Variants in SPDL1 observed in about 807,000 individuals in gnomAD.
SPDL1 encodes the protein protein Spindly.
A neutral mutation model predicts 79.5 loss-of-function variants in SPDL1; 85 were observed. The ratio of observed to expected loss-of-function variants is 1.07; its 90% CI spans 0.90 to 1.28. The LOEUF (loss-of-function observed/expected upper bound fraction) is 1.28. Ranked by LOEUF, SPDL1 falls within the 50% of genes most tolerant of loss-of-function variation. The pLI, the probability that SPDL1 is intolerant of heterozygous loss-of-function variation, is 0.00. For missense variants in SPDL1, 703 were observed against 697.8 expected (o/e 1.01, Z -0.08); for synonymous variants, 269 against 240.3 (o/e 1.12, Z -1.10).
chr5:169,595,513 AT>A, intron 7 of SPDL1: 1 of 152,292 alleles, frequency 6.6e-6, no homozygotes, highest in Non-Finnish European at 1.5e-5. Context: ...CCCTCTTAGA[AT>A]TGTCCTACAG....
chr5:169,585,263 C>T (rs1581278168), intron 1 of SPDL1, among the ~76,000 whole-genome samples: 1 of 151,730 alleles, frequency 6.6e-6, no homozygotes. Context: ...ATCTGTCTCT[C>T]TTGCACTTAT....
At position 169,601,227 on chromosome 5, in the gene SPDL1, T is replaced by G. The variant is rs898237869; in HGVS notation, c.1325-53T>G. On this transcript the variant is annotated intron_variant, in intron 10 of 11. Transcript: ENST00000265295. The stretch of plus-strand genomic sequence containing the variant: ...ACTAGTTCTGGCTTCTTGTGTTGAT[T>G]GTGTCTTTGTTTTCTTAGATTTTTT... 70 of 1,510,194 alleles carry G rather than the reference T, an allele frequency of 4.6e-5. No homozygotes were observed. The East Asian group carries it at 1.5e-3, about 32-fold the overall frequency. The allele number at this position is 1,510,194 out of a possible 1,614,324, so 93.5% of individuals were successfully genotyped here. A position where few individuals can be genotyped will look rare whatever the true frequency, so the allele number is the denominator to read the frequency against.
At chr5:169,587,495 G>A (rs1302806702) in intron 1 of SPDL1, 2 of 152,148 alleles carry the variant, frequency 1.3e-5, no homozygotes, top group Non-Finnish European at 2.9e-5. Flanking sequence ...TAGAATGAAA[G>A]CAACATCCTT....
chr5:169,583,967 AG>A (rs974222033), intron 1 of SPDL1, 78 bp downstream of exon 1: 1 of 152,376 alleles, frequency 6.6e-6, no homozygotes, highest in African/African-American at 2.4e-5. Context: ...AAAGAAAGCT[AG>A]GGGCCGGGGT....
At chr5:169,592,214 CTT>C (rs397884840) in intron 3 of SPDL1, among the ~76,000 whole-genome samples, 7 of 97,044 alleles carry the variant, frequency 7.2e-5, no homozygotes, top group Non-Finnish European at 7.6e-5. Context: ...TTTTTTTTTC[CTT>C]TTTTTTTTTT....
At chr5:169,596,922 T>C (rs1018948998) in intron 8 of SPDL1, among the ~76,000 whole-genome samples, 1 of 152,188 alleles carries the variant, frequency 6.6e-6, no homozygotes, top group Non-Finnish European at 1.5e-5. Context: ...TCACTTCTTC[T>C]ATATTTATTA....
In SPDL1 at chr5:169,594,581, G is replaced by A. The variant is rs376677593; in HGVS notation, c.791G>A (p.Arg264Gln). Residue 264 changes from arginine to glutamine, a missense_variant, in exon 7 of 12, where the codon CGA becomes CAA. Arg to Gln is a conservative substitution (Grantham distance 43). Coordinates refer to ENST00000265295, the MANE Select transcript of SPDL1 (RefSeq NM_017785.5). ...GTTAATATTTTGTAGGTGGAAGATC[G>A]AAGGGCAGCAATGGAACGTCAGCTC... ...GNSLFAEVEDRRAAMERQLIS... is the reference protein window; with the variant it reads ...GNSLFAEVEDQRAAMERQLIS... The A allele has an allele frequency of 1.3e-4, 209 of 1,613,836 alleles. 2 individuals carry two copies. In the African/African-American group the frequency reaches 2.6e-3, roughly 20 times the overall value.
intron 11 of SPDL1, among the ~76,000 whole-genome samples, 171 bp from the exon 12 acceptor site, chr5:169,603,889 T>A (rs185186806): frequency 6.6e-5 from 10 of 152,164 alleles, no homozygotes; most frequent in African/African-American, 1.9e-4. Context: ...CCTATTGATA[T>A]AAAAAGACTT....
At chr5:169,601,692 C>T (rs780064770) in intron 11 of SPDL1, 67 bp downstream of exon 11, 4 of 1,317,746 alleles carry the variant, frequency 3.0e-6, no homozygotes, top group Middle Eastern at 1.8e-4. Context: ...GCTGCATGAA[C>T]TGTGCTGTCT....
intron 8 of SPDL1, 52 bp from the exon 9 acceptor site, chr5:169,598,424 C>A: frequency 1.7e-6 from 2 of 1,165,760 alleles, no homozygotes; most frequent in Non-Finnish European, 2.6e-6. Flanking sequence ...TAAACATACA[C>A]TAACCTTATT....
At chr5:169,587,402 G>A (rs2113319933) in intron 1 of SPDL1, 1 of 152,284 alleles carries the variant, frequency 6.6e-6, no homozygotes, top group East Asian at 1.9e-4. Flanking sequence ...AGGAGGCTGG[G>A]ACCAAATAGT....
intron 11 of SPDL1, 69 bp from the exon 12 acceptor site, chr5:169,603,991 C>T (rs1398965237): frequency 2.6e-6 from 4 of 1,512,864 alleles, no homozygotes; most frequent in Non-Finnish European, 2.7e-6. Context: ...GCCCATTATA[C>T]TGGGGGTTTG....
chr5:169,593,514 T>G lies in SPDL1; in HGVS notation c.497T>G (p.Leu166Arg). Reference sequence around the variant, plus strand: ...AGCATGTCTTCAGAGATGCTGGCTCTTCAAATTGAGCTGACAGAAATGGAG... The same window carrying G: ...AGCATGTCTTCAGAGATGCTGGCTCGTCAAATTGAGCTGACAGAAATGGAG... ...QESMSSEMLALQIELTEMESM... is the reference protein window; with the variant it reads ...QESMSSEMLARQIELTEMESM... The change falls in exon 4 of 12, where the codon CTT (leucine) becomes CGT (arginine). Residue 166 changes from leucine to arginine, a missense_variant. Physicochemically the swap from Leu to Arg is moderately radical, Grantham distance 102 (BLOSUM62 -2). Transcript: ENST00000265295. 1 of 1,611,914 alleles carries G rather than the reference T, an allele frequency of 6.2e-7. No individual in the cohort carries two copies. Among genetic ancestry groups the G allele is most frequent in the Non-Finnish European group, 8.5e-7 (1 of 1,179,306 alleles).
intron 2 of SPDL1, among the ~76,000 whole-genome samples, chr5:169,589,884 G>A (rs1256818336): frequency 6.6e-6 from 1 of 151,978 alleles, no homozygotes; most frequent in Non-Finnish European, 1.5e-5. Flanking sequence ...TGTGTTTTTA[G>A]TAGAGATGGG....
Position 169,594,530 on chromosome 5 carries a change from C to A in SPDL1, c.780+38C>A, listed in dbSNP as rs369190774. The A allele has an allele frequency of 7.0e-5, 112 of 1,610,188 alleles. No homozygotes were observed. In the African/African-American group the frequency reaches 1.4e-3, roughly 20 times the overall value. On this transcript the variant is annotated intron_variant, in intron 6 of 11. Coordinates refer to ENST00000265295, the MANE Select transcript of SPDL1 (RefSeq NM_017785.5). ...ATCCTAACTACTAAATTGGTATTTT[C>A]ATTTACTACCAGAACAATTAAGCAT...
rs1458187695 is a variant in SPDL1, at chr5:169,594,312, ACAT to A, written c.681+22_681+24del. Reference sequence around the variant, plus strand: ...CCCTAGAGGTACTATGATTACAGTAACATCATGTTTTCCAATTTATCATAACTT... The same window carrying A: ...CCCTAGAGGTACTATGATTACAGTAACATGTTTTCCAATTTATCATAACTT... On this transcript the variant is annotated intron_variant, in intron 5 of 11. Coordinates refer to ENST00000265295, the MANE Select transcript of SPDL1 (RefSeq NM_017785.5). 1 of 1,612,800 alleles carries A rather than the reference ACAT, an allele frequency of 6.2e-7. No homozygotes were observed. The highest frequency in any genetic ancestry group is 2.2e-5 in the East Asian group (1 of 44,868).
chr5:169,599,261 C>T (rs1755761519), intron 10 of SPDL1, 102 bp downstream of exon 10: 12 of 1,000,910 alleles, frequency 1.2e-5, no homozygotes, highest in Non-Finnish European at 1.7e-5. Flanking sequence ...ATTACAAACT[C>T]ATTTGTAGTT....
chr5:169,596,323 T>G, intron 7 of SPDL1: 1 of 417,340 alleles, frequency 2.4e-6, no homozygotes, highest in Non-Finnish European at 4.2e-6. Context: ...CAGTTTTATG[T>G]TTCACAAAAG....
chr5:169,590,737 CT>C, intron 2 of SPDL1: 2 of 472,848 alleles, frequency 4.2e-6, no homozygotes, highest in Non-Finnish European at 8.4e-6. Flanking sequence ...GCTGTTAAAT[CT>C]TTTTTTGTTG....
Sources: gnomAD v4.1 joint callset for allele counts (sites outside exome capture counted in the v4.1 genomes callset) on GRCh38, gnomAD v4.1.1 for gene constraint, MANE v1.5 for transcripts, NCBI Gene and HGNC (gene_info 2026-07-23, HGNC 2026-07-21) for gene names.